The following CD46 variants were observed in gnomAD, a reference collection of about 807,000 sequenced individuals.
CD46 encodes the protein CD46 molecule.
Under a neutral mutation model 53.3 loss-of-function variants are expected in CD46, and 30 were observed. The ratio of observed to expected loss-of-function variants is 0.56; its 90% CI spans 0.42 to 0.76. CD46 has a LOEUF of 0.76. Among genes scored for constraint, CD46 ranks in the 30% least tolerant of loss-of-function variants. The probability of loss-of-function intolerance (pLI) is 0.00; values close to 1 mark genes in which losing one functional copy is unlikely to be tolerated. For synonymous variants in CD46, 142 were observed against 152.0 expected (o/e 0.93, Z 0.48); for missense variants, 409 against 463.0 (o/e 0.88, Z 1.07).
chr1:207,788,881 A>C (rs796312964), intron 11 of CD46, among the ~76,000 whole-genome samples: 22 of 152,356 alleles, frequency 1.4e-4, no homozygotes, highest in African/African-American at 5.0e-4. Flanking sequence ...AGTGGGCAAA[A>C]GGTTAAAGTA....
chr1:207,788,274 T>C (rs1481411677), intron 11 of CD46, among the ~76,000 whole-genome samples: 1 of 150,212 alleles, frequency 6.7e-6, no homozygotes, highest in East Asian at 2.0e-4. Flanking sequence ...CCCAGCACTT[T>C]GGGAGGCCGA....
intron 8 of CD46, among the ~76,000 whole-genome samples, chr1:207,776,697 C>T (rs912147015): frequency 4.0e-5 from 6 of 151,790 alleles, no homozygotes; most frequent in South Asian, 2.1e-4. Context: ...GGTGCAACCA[C>T]GGCACACTGC....
chr1:207,793,724 G>T lies in CD46; in HGVS notation c.*247G>T. ...ATATTGCAATGTGGCTTGAATGTAG[G>T]TAGCATCCTTTGATGCTTCTTTGAA... On this transcript the variant is annotated 3_prime_UTR_variant, in exon 13 of 13. Coordinates refer to ENST00000367042, the MANE Select transcript of CD46 (RefSeq NM_172351.3). The T allele has an allele frequency of 1.3e-6, 1 of 771,424 alleles. No homozygotes were observed. The highest frequency in any genetic ancestry group is 2.3e-6 in the Non-Finnish European group (1 of 434,204). The allele number at this position is 771,424 out of a possible 1,614,324, so 47.8% of individuals were successfully genotyped here. A position where few individuals can be genotyped will look rare whatever the true frequency, so the allele number is the denominator to read the frequency against.
At chr1:207,782,677 C>T (rs1246429924) in intron 8 of CD46, among the ~76,000 whole-genome samples, 1 of 105,798 alleles carries the variant, frequency 9.5e-6, no homozygotes, top group Non-Finnish European at 1.7e-5. Context: ...GAGACAGAGT[C>T]TCGCTGTGTT....
Position 207,757,612 on chromosome 1 carries a change from G to T in CD46, c.359G>T (p.Gly120Val). 1 of 1,610,152 alleles carries T rather than the reference G, an allele frequency of 6.2e-7. No individual in the cohort carries two copies. The highest frequency in any genetic ancestry group is 8.5e-7 in the Non-Finnish European group (1 of 1,177,296). ...AVPANGTYEFGYQMHFICNEG... is the reference protein window; with the variant it reads ...AVPANGTYEFVYQMHFICNEG... ...CCTGCAAATGGGACTTACGAGTTTG[G>T]TTATCAGATGCACTTTATTTGTAAT... The change falls in exon 3 of 13, where the codon GGT (glycine) becomes GTT (valine). Residue 120 changes from glycine to valine, a missense_variant. Physicochemically the swap from Gly to Val is moderately radical, Grantham distance 109. Transcript: ENST00000367042.
At chr1:207,768,296 A>G (rs1657085657) in intron 7 of CD46, 1 of 162,232 alleles carries the variant, frequency 6.2e-6, no homozygotes, top group Non-Finnish European at 1.4e-5. Context: ...GTTTGTTAAT[A>G]TGTATGTTTT....
At chr1:207,755,437 G>T (rs1358428227) in intron 1 of CD46, among the ~76,000 whole-genome samples, 1 of 152,338 alleles carries the variant, frequency 6.6e-6, no homozygotes, top group South Asian at 2.1e-4. Flanking sequence ...CAAGGAGAAG[G>T]TTTCGTAAGC....
At chr1:207,781,767 A>G (rs1046318864) in intron 8 of CD46, among the ~76,000 whole-genome samples, 9 of 152,158 alleles carry the variant, frequency 5.9e-5, no homozygotes, top group Admixed American at 2.6e-4. Flanking sequence ...TCTCTGTTCT[A>G]TTCCATTGGT....
intron 9 of CD46, chr1:207,783,635 G>A (rs886786762): frequency 1.4e-5 from 3 of 217,978 alleles, no homozygotes; most frequent in Non-Finnish European, 2.7e-5. Flanking sequence ...CTTGATGTAG[G>A]CTTACGCAGT....
At chr1:207,753,696 A>C (rs75244011) in intron 1 of CD46, among the ~76,000 whole-genome samples, 1 of 152,018 alleles carries the variant, frequency 6.6e-6, no homozygotes, top group Admixed American at 6.6e-5. Context: ...CAAAAAAAAA[A>C]CCCGCTAAGA....
chr1:207,756,459 A>T (rs1256174054), intron 1 of CD46, among the ~76,000 whole-genome samples: 1 of 152,216 alleles, frequency 6.6e-6, no homozygotes, highest in Non-Finnish European at 1.5e-5. Context: ...GGTAGCAGAC[A>T]ATTTCTTGAA....
intron 11 of CD46, among the ~76,000 whole-genome samples, chr1:207,789,449 C>T (rs1659582971): frequency 1.3e-5 from 2 of 152,084 alleles, no homozygotes; most frequent in South Asian, 4.2e-4. Context: ...TCTAGTTGGC[C>T]CTTAAATTCT....
At chr1:207,781,565 T>TA (rs1443885240) in intron 8 of CD46, among the ~76,000 whole-genome samples, 1 of 152,182 alleles carries the variant, frequency 6.6e-6, no homozygotes, top group Admixed American at 6.5e-5. Context: ...TTTTACCTCT[T>TA]ATGTTTAGGT....
At chr1:207,757,261 G>T in intron 2 of CD46, 59 bp downstream of exon 2, 1 of 1,404,470 alleles carries the variant, frequency 7.1e-7, no homozygotes, top group Non-Finnish European at 1.0e-6. Flanking sequence ...ATACATTTTG[G>T]GGTACATATT....
In CD46 at chr1:207,783,206, C is replaced by A. The variant is rs533910605; in HGVS notation, c.944-86C>A. On this transcript the variant is annotated intron_variant, in intron 8 of 12. Transcript: ENST00000367042. ...TTTCTACAAAGGTGAAAAAAAATCA[C>A]CCTATGAGTTTAAAGGATTTTAAGC... The A allele has an allele frequency of 2.0e-5, 14 of 711,684 alleles. No individual in the cohort carries two copies. The African/African-American group carries it at 2.4e-4, about 12-fold the overall frequency. 44.1% of individuals were successfully genotyped at this position (711,684 alleles called of 1,614,324 possible).
At chr1:207,767,221 T>C in intron 6 of CD46, 26 bp downstream of exon 6, 1 of 1,593,546 alleles carries the variant, frequency 6.3e-7, no homozygotes, top group Non-Finnish European at 8.6e-7. Flanking sequence ...TTTTTCTGTC[T>C]TGGTTTGTTA....
chr1:207,785,688 T>G lies in CD46; in HGVS notation c.1082+6T>G. Reference sequence around the variant, plus strand: ...CAAAGGAGGAAGAAGAAAGGGTAAATTAAAGCATGTTTCTTTTAACTTCTT... The same window carrying G: ...CAAAGGAGGAAGAAGAAAGGGTAAAGTAAAGCATGTTTCTTTTAACTTCTT... On this transcript the variant is annotated splice_donor_region_variant and intron_variant, in intron 11 of 12. Coordinates refer to ENST00000367042, the MANE Select transcript of CD46 (RefSeq NM_172351.3). 1 of 1,587,158 alleles carries G rather than the reference T, an allele frequency of 6.3e-7. No individual in the cohort carries two copies. The highest frequency in any genetic ancestry group is 8.7e-7 in the Non-Finnish European group (1 of 1,155,754).
rs907991670 is a variant in CD46, at chr1:207,786,069, T to G, written c.1082+387T>G. 3.2e-5 allele frequency: 6 copies of G among 189,856 alleles called. No homozygotes were observed. The Admixed American group carries it at 3.2e-4, about 10-fold the overall frequency. The allele number at this position is 189,856 out of a possible 1,614,324, so 11.8% of individuals were successfully genotyped here. On this transcript the variant is annotated intron_variant, in intron 11 of 12. Coordinates refer to ENST00000367042, the MANE Select transcript of CD46 (RefSeq NM_172351.3). ...ATTTCACTGTGGAGACTTTGACAGT[T>G]GTATTCACTGGAATTTTTATAATGA...
intron 1 of CD46, among the ~76,000 whole-genome samples, chr1:207,753,599 A>G (rs1342134509): frequency 2.0e-5 from 3 of 152,106 alleles, no homozygotes; most frequent in African/African-American, 7.2e-5. Context: ...TGAGCCCAGG[A>G]GGTGAAGGCT....
Sources: allele counts gnomAD v4.1 joint callset (sites outside exome capture counted in the v4.1 genomes callset), GRCh38; gene constraint gnomAD v4.1.1; transcripts MANE v1.5; gene names NCBI Gene and HGNC (gene_info 2026-07-23, HGNC 2026-07-21).